Variants in AP4S1 observed in about 807,000 individuals in gnomAD.
AP4S1 encodes AP-4 complex subunit sigma-1.
In AP4S1, 23 loss-of-function variants were observed where a neutral mutation model predicts 19.8. The observed-to-expected ratio is 1.16, with a 90% CI of 0.84 to 1.65. The LOEUF (loss-of-function observed/expected upper bound fraction) is 1.65. Among genes scored for constraint, AP4S1 ranks in the 40% most tolerant of loss-of-function variants. The pLI, the probability that AP4S1 is intolerant of heterozygous loss-of-function variation, is 0.00. For missense variants in AP4S1, 166 were observed against 172.8 expected, an observed-to-expected ratio of 0.96 and a Z score of 0.22; for synonymous variants, 46 against 54.1, an observed-to-expected ratio of 0.85 and a Z score of 0.66.
chr14:31,090,773 G>A (rs1169703257), intron 5 of AP4S1, among the ~76,000 whole-genome samples: 1 of 152,246 alleles, frequency 6.6e-6, no homozygotes, highest in African/African-American at 2.4e-5. Flanking sequence ...AAATCAAGAT[G>A]TAAACAACAG....
At chr14:31,065,331 C>T (rs962410132) in intron 1 of AP4S1, among the ~76,000 whole-genome samples, 2 of 152,286 alleles carry the variant, frequency 1.3e-5, no homozygotes, top group South Asian at 2.1e-4. Context: ...GCCCCTTCTC[C>T]GGGAAGCAGT....
In AP4S1 at chr14:31,025,803, C is replaced by A; in HGVS notation, c.-72+16C>A. 53 of 1,493,442 alleles carry A rather than the reference C, an allele frequency of 3.5e-5. No individual in the cohort carries two copies. The highest frequency in any genetic ancestry group is 4.6e-5 in the Non-Finnish European group (51 of 1,118,264). The allele number at this position is 1,493,442 out of a possible 1,614,324, so 92.5% of individuals were successfully genotyped here. A position where few individuals can be genotyped will look rare whatever the true frequency, so the allele number is the denominator to read the frequency against. ...AGCAGCACAGGTAGGTTCCGCTCGG[C>A]CTCCCAAGGCGCCGGCTCCGGCTGA... On this transcript the variant is annotated intron_variant, in intron 1 of 5. Transcript: ENST00000542754.
At chr14:31,052,566 A>G (rs1885857005) in intron 1 of AP4S1, among the ~76,000 whole-genome samples, 1 of 151,844 alleles carries the variant, frequency 6.6e-6, no homozygotes, top group South Asian at 2.1e-4. Flanking sequence ...TTCTACTAAA[A>G]ATACAAAAAA....
At chr14:31,036,283 A>G (rs1884771616) in intron 1 of AP4S1, among the ~76,000 whole-genome samples, 1 of 150,950 alleles carries the variant, frequency 6.6e-6, no homozygotes. Context: ...TACAGATGGG[A>G]TCTCACCCAG....
chr14:31,049,228 A>C (rs1885596189), intron 1 of AP4S1, among the ~76,000 whole-genome samples: 1 of 151,400 alleles, frequency 6.6e-6, no homozygotes, highest in Admixed American at 6.6e-5. Flanking sequence ...CCTGGCTAAC[A>C]CGGTGAAACC....
intron 5 of AP4S1, among the ~76,000 whole-genome samples, chr14:31,091,063 T>A (rs1028728106): frequency 3.9e-5 from 6 of 152,210 alleles, no homozygotes; most frequent in African/African-American, 7.2e-5. Context: ...GTGGTTTATA[T>A]GATTTAGCAG....
chr14:31,025,844 CCA>C, intron 1 of AP4S1, 57 bp downstream of exon 1: 1 of 1,555,290 alleles, frequency 6.4e-7, no homozygotes, highest in Admixed American at 1.9e-5. Context: ...GTCCCCAGCC[CCA>C]CCCCCCGGCC....
At chr14:31,034,076 A>C (rs1374948568) in intron 1 of AP4S1, among the ~76,000 whole-genome samples, 1 of 152,248 alleles carries the variant, frequency 6.6e-6, no homozygotes, top group African/African-American at 2.4e-5. Context: ...TAAATTGCCA[A>C]AAGTTTGCTA....
At chr14:31,071,595 A>G (rs1428870841) in intron 3 of AP4S1, among the ~76,000 whole-genome samples, 2 of 151,908 alleles carry the variant, frequency 1.3e-5, no homozygotes, top group African/African-American at 4.8e-5. Flanking sequence ...TAATTTTTGT[A>G]TTCTTAGTAG....
chr14:31,066,033 A>G, intron 1 of AP4S1, 93 bp from the exon 2 acceptor site: 1 of 624,536 alleles, frequency 1.6e-6, no homozygotes, highest in South Asian at 2.0e-5. Context: ...ATTTACTACT[A>G]CTTTATTTAC....
At chr14:31,088,140 G>A (rs993234566) in intron 5 of AP4S1, among the ~76,000 whole-genome samples, 10 of 152,244 alleles carry the variant, frequency 6.6e-5, no homozygotes, top group East Asian at 1.9e-4. Flanking sequence ...AGATGTGAAC[G>A]TTGCAAATCT....
chr14:31,072,240 C>G (rs974675612), intron 3 of AP4S1, among the ~76,000 whole-genome samples: 1 of 151,950 alleles, frequency 6.6e-6, no homozygotes, highest in Non-Finnish European at 1.5e-5. Flanking sequence ...TACGCCAAGC[C>G]TATTTTTTTA....
intron 1 of AP4S1, among the ~76,000 whole-genome samples, chr14:31,054,006 A>G (rs1297879799): frequency 6.6e-6 from 1 of 152,158 alleles, no homozygotes; most frequent in African/African-American, 2.4e-5. Context: ...AGGGTATTTT[A>G]TATGTCTGCT....
chr14:31,087,593 G>A (rs553474315), intron 5 of AP4S1, among the ~76,000 whole-genome samples: 55 of 152,312 alleles, frequency 3.6e-4, no homozygotes, highest in Non-Finnish European at 7.9e-4. Flanking sequence ...GACCTCAAGT[G>A]ATCTGTCCAC....
chr14:31,038,752 A>G (rs919272529), intron 1 of AP4S1, among the ~76,000 whole-genome samples: 3 of 152,154 alleles, frequency 2.0e-5, no homozygotes, highest in Non-Finnish European at 4.4e-5. Context: ...TATGAGGGGG[A>G]TTAAATAGAT....
chr14:31,075,588 A>C (rs747009378), intron 4 of AP4S1, among the ~76,000 whole-genome samples: 1 of 152,164 alleles, frequency 6.6e-6, no homozygotes, highest in Non-Finnish European at 1.5e-5. Flanking sequence ...TAGATATTTC[A>C]TATAAATAGA....
intron 5 of AP4S1, chr14:31,084,821 C>T (rs1566546618): frequency 6.2e-7 from 1 of 1,614,194 alleles, no homozygotes. Flanking sequence ...CCCCAGCAGA[C>T]TTGCTTTTCT....
At chr14:31,077,861 G>C (rs1475711499) in intron 4 of AP4S1, among the ~76,000 whole-genome samples, 1 of 149,944 alleles carries the variant, frequency 6.7e-6, no homozygotes, top group Non-Finnish European at 1.5e-5. Context: ...TCAACCTCCC[G>C]AGTAGCTGGG....
intron 5 of AP4S1, among the ~76,000 whole-genome samples, chr14:31,084,463 C>G (rs1444583996): frequency 6.6e-6 from 1 of 152,230 alleles, no homozygotes; most frequent in Non-Finnish European, 1.5e-5. Flanking sequence ...AAGAAAGGAC[C>G]TAAGCATAAG....
Sources: gnomAD v4.1 joint callset for allele counts (sites outside exome capture counted in the v4.1 genomes callset) on GRCh38, gnomAD v4.1.1 for gene constraint, MANE v1.5 for transcripts, NCBI Gene and HGNC (gene_info 2026-07-23, HGNC 2026-07-21) for gene names.